Variants in NEBL observed in about 807,000 individuals in gnomAD.
The protein encoded by NEBL is nebulette, also known as LIM and SH3 protein 2.
NEBL carries 122 observed loss-of-function variants against 140.2 expected under a neutral mutation model. The ratio of observed to expected loss-of-function variants is 0.87; its 90% CI spans 0.75 to 1.01. NEBL has a LOEUF of 1.01. NEBL is among the 50% of genes least tolerant of loss of function. The pLI, the probability that NEBL is intolerant of heterozygous loss-of-function variation, is 0.00. For synonymous variants in NEBL, 436 were observed against 398.9 expected (o/e 1.09, Z -1.11); for missense variants, 1,365 against 1,231.3 (o/e 1.11, Z -1.62).
At chr10:20,883,469 C>T (rs1195156927) in intron 4 of NEBL, among the ~76,000 whole-genome samples, 1 of 152,190 alleles carries the variant, frequency 6.6e-6, no homozygotes, top group Non-Finnish European at 1.5e-5. Flanking sequence ...CTTTAAGAAC[C>T]TCCATTCAGG....
intron 2 of NEBL, among the ~76,000 whole-genome samples, chr10:21,169,636 T>A (rs1465452140): frequency 6.6e-6 from 1 of 152,202 alleles, no homozygotes; most frequent in East Asian, 1.9e-4. Context: ...GGCTCCATTT[T>A]CTAGAGTTAG....
chr10:20,920,317 G>T (rs1199758439), intron 4 of NEBL, among the ~76,000 whole-genome samples: 1 of 152,090 alleles, frequency 6.6e-6, no homozygotes, highest in Admixed American at 6.5e-5. Context: ...AGGGGTACTG[G>T]TAAAAAATAT....
At chr10:20,920,745 C>T (rs1833542673) in intron 4 of NEBL, among the ~76,000 whole-genome samples, 1 of 152,052 alleles carries the variant, frequency 6.6e-6, no homozygotes, top group Non-Finnish European at 1.5e-5. Context: ...ATCATGGAAA[C>T]TTTTATACAA....
At chr10:21,119,762 T>A (rs574745646) in intron 2 of NEBL, among the ~76,000 whole-genome samples, 5 of 152,056 alleles carry the variant, frequency 3.3e-5, no homozygotes, top group Non-Finnish European at 1.5e-5. Context: ...TATTATATAG[T>A]CCATTTTCAA....
At chr10:21,166,319 C>G (rs559331258) in intron 2 of NEBL, among the ~76,000 whole-genome samples, 1 of 151,462 alleles carries the variant, frequency 6.6e-6, no homozygotes, top group Admixed American at 6.6e-5. Context: ...AAAAGTTTGC[C>G]GAAAGAATTC....
At chr10:20,937,790 A>T (rs1020671617) in intron 4 of NEBL, among the ~76,000 whole-genome samples, 1 of 152,212 alleles carries the variant, frequency 6.6e-6, no homozygotes, top group Non-Finnish European at 1.5e-5. Flanking sequence ...CCAGGAGATC[A>T]TATCCTGTGC....
chr10:21,291,916 T>A (rs945132190), intron 1 of NEBL, among the ~76,000 whole-genome samples: 2 of 151,910 alleles, frequency 1.3e-5, no homozygotes, highest in African/African-American at 4.8e-5. Context: ...AAAATAAAAA[T>A]AAAAAAGAAA....
chr10:20,901,349 C>T (rs1032043010), upstream of NEBL, among the ~76,000 whole-genome samples: 3 of 152,144 alleles, frequency 2.0e-5, no homozygotes, highest in African/African-American at 2.4e-5. Flanking sequence ...GCCAAGGGAA[C>T]GTATCTGTGC....
chr10:21,115,536 GT>G (rs970722848), intron 2 of NEBL, among the ~76,000 whole-genome samples: 8 of 151,514 alleles, frequency 5.3e-5, no homozygotes, highest in African/African-American at 1.9e-4. Context: ...CTAGGTGAGA[GT>G]TTTTTTTCTT....
chr10:20,878,351 T>A (rs1588915637), intron 5 of NEBL, among the ~76,000 whole-genome samples: 1 of 152,232 alleles, frequency 6.6e-6, no homozygotes, highest in Non-Finnish European at 1.5e-5. Context: ...GATACACATA[T>A]AATGACACAC....
At chr10:21,202,461 C>CTTTTTTTTTTTTTTTTTTTTTTTTT (rs35623208) in intron 3 of NEBL, among the ~76,000 whole-genome samples, 3 of 117,292 alleles carry the variant, frequency 2.6e-5, no homozygotes, top group African/African-American at 6.8e-5. Flanking sequence ...TTTTCTTTTT[C>CTTTTTTTTTTTTTTTTTTTTTTTTT]TTTTTTTTTT....
chr10:21,089,227 G>C (rs950201601), intron 2 of NEBL, among the ~76,000 whole-genome samples: 1 of 152,128 alleles, frequency 6.6e-6, no homozygotes, highest in African/African-American at 2.4e-5. Flanking sequence ...CAGGTCTGTG[G>C]GGTGACATGA....
chr10:21,100,550 G>C (rs1005786333), intron 2 of NEBL, among the ~76,000 whole-genome samples: 2 of 152,222 alleles, frequency 1.3e-5, no homozygotes, highest in Admixed American at 1.3e-4. Flanking sequence ...TGACCTCTGT[G>C]CAATCAACAG....
At chr10:21,270,557 G>A (rs948789372) in intron 1 of NEBL, among the ~76,000 whole-genome samples, 4 of 151,930 alleles carry the variant, frequency 2.6e-5, no homozygotes, top group Non-Finnish European at 4.4e-5. Context: ...TAGTAGAGAT[G>A]GGGTTTCACC....
At chr10:21,158,545 C>T (rs113210711) in intron 2 of NEBL, among the ~76,000 whole-genome samples, 21 of 152,274 alleles carry the variant, frequency 1.4e-4, no homozygotes, top group African/African-American at 4.3e-4. Flanking sequence ...AGTAACTCAA[C>T]GTCAGCCCCA....
intron 3 of NEBL, among the ~76,000 whole-genome samples, chr10:21,004,706 C>T (rs1379763174): frequency 6.7e-6 from 1 of 149,180 alleles, no homozygotes; most frequent in African/African-American, 2.5e-5. Context: ...GGGCACAAAG[C>T]GAGACTCATC....
chr10:20,789,075 G>T (rs183770506), intron 26 of NEBL, among the ~76,000 whole-genome samples: 1 of 152,236 alleles, frequency 6.6e-6, no homozygotes, highest in Admixed American at 6.5e-5. Context: ...TGCTCTCCTG[G>T]AGCACCGAGG....
intron 3 of NEBL, among the ~76,000 whole-genome samples, chr10:20,999,245 T>C (rs530331356): frequency 3.3e-5 from 5 of 151,840 alleles, no homozygotes; most frequent in Admixed American, 3.3e-4. Context: ...CATTTATTGA[T>C]TGCCCAATTA....
intron 2 of NEBL, among the ~76,000 whole-genome samples, chr10:21,058,393 A>G (rs1835126655): frequency 6.6e-6 from 1 of 152,220 alleles, no homozygotes. Flanking sequence ...TTTTAAATTA[A>G]GCAAACAAAA....
Sources: allele counts gnomAD v4.1 joint callset (sites outside exome capture counted in the v4.1 genomes callset), GRCh38; gene constraint gnomAD v4.1.1; transcripts MANE v1.5; gene names NCBI Gene and HGNC (gene_info 2026-07-23, HGNC 2026-07-21).